The following LMBR1 variants were observed in gnomAD, a reference collection of about 807,000 sequenced individuals.
LMBR1 encodes the protein limb development membrane protein 1, also known as limb region 1 protein homolog.
A neutral mutation model predicts 73.9 loss-of-function variants in LMBR1; 52 were observed. The ratio of observed to expected loss-of-function variants is 0.70; its 90% CI spans 0.56 to 0.89. LMBR1 has a LOEUF of 0.89. LMBR1 is among the 40% of genes least tolerant of loss of function. The pLI, the probability that LMBR1 is intolerant of heterozygous loss-of-function variation, is 0.00. For missense variants in LMBR1, 539 were observed against 579.8 expected (o/e 0.93, Z 0.72); for synonymous variants, 215 against 209.4 (o/e 1.03, Z -0.23).
At chr7:156,846,348 T>TCA (rs1795478074) in intron 1 of LMBR1, among the ~76,000 whole-genome samples, 1 of 134,066 alleles carries the variant, frequency 7.5e-6, no homozygotes, top group African/African-American at 2.8e-5. Flanking sequence ...CATGCCATAA[T>TCA]CATGCCACTA....
chr7:156,776,483 A>G (rs534425887), intron 5 of LMBR1, among the ~76,000 whole-genome samples: 2 of 152,266 alleles, frequency 1.3e-5, no homozygotes, highest in African/African-American at 4.8e-5. Flanking sequence ...CCACACATGC[A>G]TTGATCCTAT....
intron 15 of LMBR1, among the ~76,000 whole-genome samples, chr7:156,698,605 G>C (rs1808876160): frequency 6.6e-6 from 1 of 152,214 alleles, no homozygotes; most frequent in Non-Finnish European, 1.5e-5. Flanking sequence ...ACCCTCTGAA[G>C]CAACAGCCCA....
chr7:156,767,772 T>C (rs758498363), intron 5 of LMBR1, among the ~76,000 whole-genome samples: 2 of 151,804 alleles, frequency 1.3e-5, no homozygotes, highest in Non-Finnish European at 2.9e-5. Context: ...CAGGAAATGA[T>C]AAAAACCAAA....
At chr7:156,797,163 A>G (rs1197737264) in intron 4 of LMBR1, among the ~76,000 whole-genome samples, 1 of 152,206 alleles carries the variant, frequency 6.6e-6, no homozygotes, top group Non-Finnish European at 1.5e-5. Context: ...TCCAAGTGGG[A>G]AAGAAAAAGT....
chr7:156,764,122 T>C (rs571409364), intron 5 of LMBR1, among the ~76,000 whole-genome samples: 4 of 152,316 alleles, frequency 2.6e-5, no homozygotes, highest in African/African-American at 9.6e-5. Context: ...ATCAAGGGAA[T>C]AGAAGGCTAA....
chr7:156,826,602 A>G lies in LMBR1; in HGVS notation c.319+3T>C. ...GTGATTATATTAAGCAATATATACT[A>G]ACCATGAATCAGGGAGCCATTTAGC... On this transcript the variant is annotated splice_donor_region_variant and intron_variant, in intron 4 of 16. Coordinates refer to ENST00000353442, the MANE Select transcript of LMBR1 (RefSeq NM_022458.4). 1 of 1,529,126 alleles carries G rather than the reference A, an allele frequency of 6.5e-7. No individual in the cohort carries two copies. Among genetic ancestry groups the G allele is most frequent in the Non-Finnish European group, 8.9e-7 (1 of 1,129,870 alleles). 94.7% of individuals were successfully genotyped at this position (1,529,126 alleles called of 1,614,324 possible).
chr7:156,785,576 T>C (rs909459214), intron 5 of LMBR1, among the ~76,000 whole-genome samples: 2 of 152,062 alleles, frequency 1.3e-5, no homozygotes, highest in African/African-American at 2.4e-5. Context: ...AAATCTTCCT[T>C]CAACAGAACC....
At chr7:156,759,223 T>C (rs1182540300) in intron 8 of LMBR1, among the ~76,000 whole-genome samples, 4 of 152,276 alleles carry the variant, frequency 2.6e-5, no homozygotes, top group Non-Finnish European at 4.4e-5. Context: ...GGTAGTAGCA[T>C]AGTAGCATCT....
chr7:156,684,222 G>C, intron 16 of LMBR1, 59 bp from the exon 17 acceptor site: 1 of 1,310,462 alleles, frequency 7.6e-7, no homozygotes, highest in Non-Finnish European at 1.1e-6. Flanking sequence ...CTGGGAAAGG[G>C]TTAGGGTAGG....
At chr7:156,701,850 T>C (rs183916271) in intron 15 of LMBR1, among the ~76,000 whole-genome samples, 73 of 152,336 alleles carry the variant, frequency 4.8e-4, no homozygotes, top group African/African-American at 1.4e-3. Flanking sequence ...CATTGTTCAG[T>C]TCCCACTTAT....
rs188289841 is a variant in LMBR1 at position 156,842,251 on chromosome 7, C to G, written c.67-5366G>C. Among the ~76,000 whole-genome samples the G allele has an allele frequency of 8.6e-4, 128 of 149,624 alleles. 7 individuals carry two copies. Among genetic ancestry groups the G allele is most frequent in the Admixed American group, 1.5e-3 (22 of 14,950 alleles). On this transcript the variant is annotated intron_variant, in intron 1 of 16. Transcript: ENST00000353442. ...TTATTTAATTATTTAGGTGCCCCAA[C>G]CCAGTCAGATTAACATCTAAAGGAC... is the stretch of plus-strand genomic sequence containing the variant.
intron 1 of LMBR1, among the ~76,000 whole-genome samples, chr7:156,880,798 A>G (rs1332903396): frequency 6.6e-6 from 1 of 152,064 alleles, no homozygotes; most frequent in Admixed American, 6.5e-5. Flanking sequence ...GATTACAGGC[A>G]TGCGCCACCA....
intron 4 of LMBR1, among the ~76,000 whole-genome samples, chr7:156,821,842 G>T (rs1834848617): frequency 6.6e-6 from 1 of 152,168 alleles, no homozygotes; most frequent in Admixed American, 6.5e-5. Flanking sequence ...TAGGGACGGA[G>T]ATCATACATG....
chr7:156,744,342 GC>G (rs989039744), intron 9 of LMBR1, among the ~76,000 whole-genome samples: 2 of 148,712 alleles, frequency 1.3e-5, no homozygotes, highest in Admixed American at 1.3e-4. Flanking sequence ...GTTTGTAAGG[GC>G]TTTTTTTTTT....
intron 1 of LMBR1, among the ~76,000 whole-genome samples, chr7:156,888,274 G>A (rs1802275852): frequency 6.6e-6 from 1 of 152,146 alleles, no homozygotes; most frequent in Admixed American, 6.5e-5. Context: ...GCTGGGCGTG[G>A]TGGCGGGTGC....
chr7:156,790,273 C>T (rs79290293), intron 5 of LMBR1, among the ~76,000 whole-genome samples: 4,842 of 152,098 alleles, frequency 0.032, 124 homozygotes, highest in South Asian at 0.084. Context: ...CATTTAAGCA[C>T]CTAATAATAA....
chr7:156,832,179 T>C (rs1046442138), intron 3 of LMBR1, among the ~76,000 whole-genome samples: 7 of 152,222 alleles, frequency 4.6e-5, no homozygotes, highest in Admixed American at 2.0e-4. Flanking sequence ...TTGTTTCTTA[T>C]CTAGCTTCCC....
At chr7:156,846,522 ACT>A (rs1190509673) in intron 1 of LMBR1, among the ~76,000 whole-genome samples, 1 of 152,120 alleles carries the variant, frequency 6.6e-6, no homozygotes, top group Non-Finnish European at 1.5e-5. Flanking sequence ...AAGCTATAAA[ACT>A]CTGAAAGAAA....
chr7:156,878,656 T>C (rs946746204), intron 1 of LMBR1, among the ~76,000 whole-genome samples: 2 of 152,074 alleles, frequency 1.3e-5, no homozygotes, highest in African/African-American at 4.8e-5. Flanking sequence ...TTCAACACAA[T>C]TCCCATCAAA....
Sources: gnomAD v4.1 joint callset for allele counts (sites outside exome capture counted in the v4.1 genomes callset) on GRCh38, gnomAD v4.1.1 for gene constraint, MANE v1.5 for transcripts, NCBI Gene and HGNC (gene_info 2026-07-23, HGNC 2026-07-21) for gene names.